Variants in LRP1B observed in about 807,000 individuals in gnomAD.
LRP1B encodes the protein low-density lipoprotein receptor-related protein 1B.
Under a neutral mutation model 556.6 loss-of-function variants are expected in LRP1B, and 217 were observed. The observed-to-expected ratio is 0.39, with a 90% CI of 0.35 to 0.44. The LOEUF (loss-of-function observed/expected upper bound fraction) is 0.44. LRP1B is among the 20% of genes least tolerant of loss of function. The pLI, the probability that LRP1B is intolerant of heterozygous loss-of-function variation, is 1.00. For missense variants in LRP1B, 5,053 were observed against 5,620.8 expected, an observed-to-expected ratio of 0.90 and a Z score of 3.23; for synonymous variants, 2,047 against 1,865.8, an observed-to-expected ratio of 1.10 and a Z score of -2.50.
intron 41 of LRP1B, chr2:140,684,014 T>C: frequency 4.8e-6 from 1 of 208,174 alleles, no homozygotes; most frequent in Non-Finnish European, 9.7e-6. Flanking sequence ...CCAATATCAG[T>C]CTAAAATGTT....
intron 7 of LRP1B, among the ~76,000 whole-genome samples, chr2:141,096,837 A>T (rs1370267092): frequency 1.3e-5 from 2 of 152,172 alleles, no homozygotes; most frequent in Admixed American, 1.3e-4. Context: ...TAAGACCTGT[A>T]AAAAGAAATA....
chr2:141,105,793 A>G (rs1558864093), intron 7 of LRP1B, among the ~76,000 whole-genome samples: 1 of 152,154 alleles, frequency 6.6e-6, no homozygotes, highest in African/African-American at 2.4e-5. Flanking sequence ...ATTGGAATTA[A>G]AGTGATTTTC....
intron 1 of LRP1B, among the ~76,000 whole-genome samples, chr2:142,034,905 A>G (rs572131736): frequency 6.6e-6 from 1 of 151,816 alleles, no homozygotes; most frequent in East Asian, 1.9e-4. Context: ...AAAATACAAC[A>G]CGTTTGTAAA....
intron 2 of LRP1B, among the ~76,000 whole-genome samples, chr2:141,563,717 T>TTTGCAGCAACATGG (rs1686239403): frequency 1.3e-5 from 2 of 152,076 alleles, no homozygotes; most frequent in African/African-American, 4.8e-5. Context: ...GATCATGTCC[T>TTTGCAGCAACATGG]TTGCAGCAAC....
chr2:141,294,559 CA>C (rs112120846), intron 3 of LRP1B, among the ~76,000 whole-genome samples: 85 of 139,380 alleles, frequency 6.1e-4, no homozygotes, highest in East Asian at 1.2e-3. Flanking sequence ...CCTGACTCTA[CA>C]AAAAAAAAAA....
intron 1 of LRP1B, among the ~76,000 whole-genome samples, chr2:141,917,378 T>C (rs970421951): frequency 3.3e-5 from 5 of 152,154 alleles, no homozygotes; most frequent in African/African-American, 1.2e-4. Context: ...ACTACAAGTA[T>C]CCTTTGATTT....
At chr2:140,765,748 A>C (rs1438506379) in intron 35 of LRP1B, among the ~76,000 whole-genome samples, 1 of 152,118 alleles carries the variant, frequency 6.6e-6, no homozygotes, top group Non-Finnish European at 1.5e-5. Flanking sequence ...CAGATCTGTT[A>C]ATTCTTATGA....
intron 87 of LRP1B, 146 bp from the exon 88 acceptor site, chr2:140,239,678 T>C (rs1388415311): frequency 7.8e-6 from 4 of 515,928 alleles, no homozygotes; most frequent in East Asian, 6.4e-5. Flanking sequence ...TTCATAATTA[T>C]GTTATTGGAA....
chr2:141,114,712 C>A (rs1243546124), intron 7 of LRP1B, among the ~76,000 whole-genome samples: 1 of 152,068 alleles, frequency 6.6e-6, no homozygotes, highest in Non-Finnish European at 1.5e-5. Flanking sequence ...CCATGGGTTT[C>A]CAGGCTTGAA....
intron 7 of LRP1B, among the ~76,000 whole-genome samples, chr2:141,110,326 C>T (rs1700718970): frequency 6.6e-6 from 1 of 151,884 alleles, no homozygotes; most frequent in South Asian, 2.1e-4. Context: ...CAAAAAAATG[C>T]ATAATATATT....
chr2:140,970,045 A>G (rs771579429), intron 18 of LRP1B, among the ~76,000 whole-genome samples: 3 of 152,050 alleles, frequency 2.0e-5, no homozygotes, highest in Non-Finnish European at 4.4e-5. Context: ...CATTCTCTGT[A>G]TTTCCTGAAT....
At chr2:140,897,057 A>G (rs1312846367) in intron 23 of LRP1B, among the ~76,000 whole-genome samples, 3 of 152,208 alleles carry the variant, frequency 2.0e-5, no homozygotes, top group African/African-American at 7.2e-5. Context: ...TGCACTATAC[A>G]TTTCAGGAAG....
chr2:141,161,258 A>G (rs987081033), intron 7 of LRP1B, among the ~76,000 whole-genome samples: 1 of 152,148 alleles, frequency 6.6e-6, no homozygotes, highest in Non-Finnish European at 1.5e-5. Context: ...AGTACTGCTC[A>G]TAGTATACAG....
chr2:140,718,532 C>G (rs185963295), intron 35 of LRP1B, among the ~76,000 whole-genome samples: 1 of 152,108 alleles, frequency 6.6e-6, no homozygotes, highest in East Asian at 1.9e-4. Flanking sequence ...TCCCTTTCCA[C>G]ATGAGTCTTG....
intron 66 of LRP1B, among the ~76,000 whole-genome samples, chr2:140,438,219 G>T (rs1686272556): frequency 6.6e-6 from 1 of 152,052 alleles, no homozygotes; most frequent in African/African-American, 2.4e-5. Flanking sequence ...TGCCCAGGCT[G>T]GTCTTAAACT....
chr2:142,117,804 G>A (rs1275437825), intron 1 of LRP1B, among the ~76,000 whole-genome samples: 1 of 152,146 alleles, frequency 6.6e-6, no homozygotes, highest in Non-Finnish European at 1.5e-5. Flanking sequence ...AATATCAGCT[G>A]CCCTTTTGGA....
intron 11 of LRP1B, among the ~76,000 whole-genome samples, chr2:141,047,568 G>A (rs763710750): frequency 6.6e-6 from 1 of 151,996 alleles, no homozygotes; most frequent in Non-Finnish European, 1.5e-5. Context: ...CAACGTGATC[G>A]ATCCTCCTAA....
At chr2:142,077,750 C>T (rs528398817) in intron 1 of LRP1B, among the ~76,000 whole-genome samples, 47 of 152,034 alleles carry the variant, frequency 3.1e-4, no homozygotes, top group African/African-American at 9.9e-4. Context: ...TCTTTCTCTG[C>T]GAGGAATTTG....
Position 141,544,296 on chromosome 2 carries a change from C to CTCTTCTTCTTCTTCTTCTTCTTCT in LRP1B, c.206-63787_206-63764dup, listed in dbSNP as rs1175616888. On this transcript the variant is annotated intron_variant, in intron 2 of 90. Coordinates refer to ENST00000389484, the MANE Select transcript of LRP1B (RefSeq NM_018557.3). ...AAGTCTTCTCTTAAGAAATTTACCA[C>CTCTTCTTCTTCTTCTTCTTCTTCT]TCTTCTTCTTCTTCTTCTTCTTCTT... 1.8e-4 allele frequency among the ~76,000 whole-genome samples: 14 copies of CTCTTCTTCTTCTTCTTCTTCTTCT among 78,358 alleles called. 1 individual carries two copies. The highest frequency in any genetic ancestry group is 6.7e-4 in the African/African-American group (13 of 19,398). The allele number at this position is 78,358 out of a possible 152,430, so 51.4% of individuals were successfully genotyped here. A position where few individuals can be genotyped will look rare whatever the true frequency, so the allele number is the denominator to read the frequency against.
Sources: gnomAD v4.1 joint callset for allele counts (sites outside exome capture counted in the v4.1 genomes callset) on GRCh38, gnomAD v4.1.1 for gene constraint, MANE v1.5 for transcripts, NCBI Gene and HGNC (gene_info 2026-07-23, HGNC 2026-07-21) for gene names.